The following CFAP299 variants were observed in gnomAD, a reference collection of about 807,000 sequenced individuals.
The protein encoded by CFAP299 is cilia and flagella associated protein 299, also known as cilia- and flagella-associated protein 299.
CFAP299 carries 21 observed loss-of-function variants against 27.0 expected under a neutral mutation model. The observed-to-expected ratio is 0.78, with a 90% CI of 0.55 to 1.12. The LOEUF is 1.12. Ranked by LOEUF, CFAP299 falls within the 50% of genes most tolerant of loss-of-function variation. The pLI, the probability that CFAP299 is intolerant of heterozygous loss-of-function variation, is 0.00. For synonymous variants in CFAP299, 104 were observed against 98.1 expected, an observed-to-expected ratio of 1.06 and a Z score of -0.36; for missense variants, 310 against 276.6, an observed-to-expected ratio of 1.12 and a Z score of -0.86.
At chr4:80,416,684 G>A (rs1200904198) in intron 2 of CFAP299, among the ~76,000 whole-genome samples, 1 of 152,092 alleles carries the variant, frequency 6.6e-6, no homozygotes, top group Admixed American at 6.5e-5. Flanking sequence ...TTTGTACATT[G>A]CATCATTGTA....
chr4:80,536,820 A>G (rs989778177), intron 2 of CFAP299, among the ~76,000 whole-genome samples: 2 of 152,118 alleles, frequency 1.3e-5, no homozygotes, highest in Non-Finnish European at 2.9e-5. Context: ...TTTTTTGGAT[A>G]TGACCCCTAA....
At chr4:80,758,222 G>T (rs750815610) in intron 3 of CFAP299, among the ~76,000 whole-genome samples, 3 of 152,178 alleles carry the variant, frequency 2.0e-5, no homozygotes, top group Admixed American at 6.5e-5. Context: ...TATTGCTGAG[G>T]AAAGTGGCTT....
At chr4:80,828,528 T>C (rs867090502) in intron 3 of CFAP299, among the ~76,000 whole-genome samples, 1 of 152,042 alleles carries the variant, frequency 6.6e-6, no homozygotes, top group Non-Finnish European at 1.5e-5. Flanking sequence ...ATCATGAAAC[T>C]GGTTCCCTCA....
At chr4:80,333,160 T>C (rs77580659), upstream of CFAP299, among the ~76,000 whole-genome samples, 226 of 152,236 alleles carry the variant, frequency 1.5e-3, 4 homozygotes, top group East Asian at 0.039. Context: ...CATGAACACA[T>C]TGTGTCTCCA....
the CFAP299 span, among the ~76,000 whole-genome samples, chr4:80,325,012 ACTC>A: frequency 6.6e-6 from 1 of 152,328 alleles, no homozygotes; most frequent in Admixed American, 6.5e-5. Flanking sequence ...AGTCTCAGCT[ACTC>A]AGTAGGCTGA....
chr4:80,950,361 C>T (rs1737714277), intron 5 of CFAP299, among the ~76,000 whole-genome samples: 1 of 151,368 alleles, frequency 6.6e-6, no homozygotes, highest in Non-Finnish European at 1.5e-5. Context: ...TACAGGTTAA[C>T]TGGTGAGTGG....
chr4:80,914,622 C>G (rs1045052210), intron 4 of CFAP299, among the ~76,000 whole-genome samples: 4 of 152,144 alleles, frequency 2.6e-5, no homozygotes, highest in African/African-American at 2.4e-5. Flanking sequence ...TTACATTTCT[C>G]TAATGATGAA....
intron 3 of CFAP299, among the ~76,000 whole-genome samples, chr4:80,778,106 A>C (rs761771713): frequency 7.9e-5 from 12 of 152,168 alleles, no homozygotes; most frequent in Non-Finnish European, 1.6e-4. Context: ...CCTCAGAGAC[A>C]TGAAAAGTCA....
Position 80,891,785 on chromosome 4 carries a change from A to AAAAT in CFAP299, c.476+21654_476+21657dup, listed in dbSNP as rs1553903775. 1.9e-3 allele frequency among the ~76,000 whole-genome samples: 217 copies of AAAAT among 115,890 alleles called. 3 individuals are homozygous for AAAAT. Among genetic ancestry groups the AAAAT allele is most frequent in the African/African-American group, 8.6e-3 (194 of 22,634 alleles). 76.0% of individuals were successfully genotyped at this position (115,890 alleles called of 152,430 possible). A position where few individuals can be genotyped will look rare whatever the true frequency, so the allele number is the denominator to read the frequency against. ...TATAATAAAAAAAAAAATTAAAAAA[A>AAAAT]AAATAAAAAAAAAAATAAAAGCTTT... On this transcript the variant is annotated intron_variant, in intron 4 of 5. Transcript: ENST00000358105.
chr4:80,619,695 C>G (rs1050930529), intron 3 of CFAP299, among the ~76,000 whole-genome samples: 7 of 152,058 alleles, frequency 4.6e-5, no homozygotes, highest in African/African-American at 1.7e-4. Flanking sequence ...AGTTACAACT[C>G]TCTTGTGATT....
intron 3 of CFAP299, among the ~76,000 whole-genome samples, chr4:80,680,176 CTCTT>C (rs1719749371): frequency 6.6e-6 from 1 of 152,080 alleles, no homozygotes; most frequent in Non-Finnish European, 1.5e-5. Context: ...ACTGTCTGTT[CTCTT>C]TCTATCAAAT....
At chr4:80,923,822 G>A (rs1214219829) in intron 4 of CFAP299, among the ~76,000 whole-genome samples, 1 of 151,952 alleles carries the variant, frequency 6.6e-6, no homozygotes, top group Non-Finnish European at 1.5e-5. Context: ...GACAATTGGG[G>A]AAATTTGAAC....
At chr4:80,583,706 G>A (rs1736288956) in intron 3 of CFAP299, among the ~76,000 whole-genome samples, 1 of 151,906 alleles carries the variant, frequency 6.6e-6, no homozygotes, top group Non-Finnish European at 1.5e-5. Context: ...TATCAAATAT[G>A]TAGAGAATGC....
intron 2 of CFAP299, among the ~76,000 whole-genome samples, chr4:80,579,869 A>G (rs899001819): frequency 3.5e-4 from 53 of 152,274 alleles, no homozygotes; most frequent in Middle Eastern, 3.4e-3. Context: ...AACTGATGTG[A>G]TCATTACCTT....
At chr4:80,759,093 T>C (rs1323231095) in intron 3 of CFAP299, among the ~76,000 whole-genome samples, 1 of 152,196 alleles carries the variant, frequency 6.6e-6, no homozygotes, top group African/African-American at 2.4e-5. Flanking sequence ...ACATAAAACT[T>C]GATTTGTGTA....
At chr4:80,387,875 G>A in intron 2 of CFAP299, 1 of 1,134,228 alleles carries the variant, frequency 8.8e-7, no homozygotes, top group East Asian at 2.3e-5. Context: ...AGCATTGGTG[G>A]AGAGTCAAAG....
chr4:80,881,138 C>A (rs1733683514), intron 4 of CFAP299, among the ~76,000 whole-genome samples: 1 of 152,142 alleles, frequency 6.6e-6, no homozygotes, highest in Non-Finnish European at 1.5e-5. Context: ...CTATTGCAGG[C>A]ATTTCAGAAC....
intron 3 of CFAP299, among the ~76,000 whole-genome samples, chr4:80,844,721 G>A (rs1303784320): frequency 6.6e-6 from 1 of 152,060 alleles, no homozygotes; most frequent in African/African-American, 2.4e-5. Context: ...TCACTCTGAT[G>A]GTAGTTTCTT....
intron 2 of CFAP299, among the ~76,000 whole-genome samples, chr4:80,399,747 A>T (rs1014977063): frequency 2.0e-5 from 3 of 151,732 alleles, no homozygotes; most frequent in Non-Finnish European, 2.9e-5. Context: ...GTAAATGATG[A>T]GTTAATAGGT....
Sources: allele counts gnomAD v4.1 joint callset (sites outside exome capture counted in the v4.1 genomes callset), GRCh38; gene constraint gnomAD v4.1.1; transcripts MANE v1.5; gene names NCBI Gene and HGNC (gene_info 2026-07-23, HGNC 2026-07-21).